The following GUCY1A2 variants were observed in gnomAD, a reference collection of about 807,000 sequenced individuals.
GUCY1A2 encodes guanylate cyclase 1 soluble subunit alpha 2.
In GUCY1A2, 27 loss-of-function variants were observed where a neutral mutation model predicts 63.5. The observed-to-expected ratio is 0.43, with a 90% CI of 0.31 to 0.59. GUCY1A2 has a LOEUF of 0.59. Among genes scored for constraint, GUCY1A2 ranks in the 20% least tolerant of loss-of-function variants. The pLI, the probability that GUCY1A2 is intolerant of heterozygous loss-of-function variation, is 0.11. For synonymous variants in GUCY1A2, 364 were observed against 343.5 expected, an observed-to-expected ratio of 1.06 and a Z score of -0.66; for missense variants, 768 against 913.3, an observed-to-expected ratio of 0.84 and a Z score of 2.05.
rs149870704 is a variant in GUCY1A2, at chr11:106,973,545, G to A, written c.487+5074C>T. Among the ~76,000 whole-genome samples the A allele has an allele frequency of 3.3e-5, 5 of 152,208 alleles. No individual in the cohort carries two copies. In the East Asian group the frequency reaches 9.7e-4, roughly 29 times the overall value. Reference sequence around the variant, plus strand: ...GAAAGAGCAAAGCACTAAGCAAAATGTGACATCATGACGATTCTAAGAATT... The same window carrying A: ...GAAAGAGCAAAGCACTAAGCAAAATATGACATCATGACGATTCTAAGAATT... On this transcript the variant is annotated intron_variant, in intron 3 of 7. Transcript: ENST00000526355.
At chr11:106,864,663 T>G (rs370791968) in intron 4 of GUCY1A2, among the ~76,000 whole-genome samples, 1 of 152,204 alleles carries the variant, frequency 6.6e-6, no homozygotes, top group African/African-American at 2.4e-5. Flanking sequence ...TCTGCATCTA[T>G]TGAGATAATC....
At chr11:106,838,936 C>T (rs1859155076) in intron 4 of GUCY1A2, among the ~76,000 whole-genome samples, 1 of 152,002 alleles carries the variant, frequency 6.6e-6, no homozygotes, top group Non-Finnish European at 1.5e-5. Flanking sequence ...TGCCTGTTCA[C>T]TCTGATGGTA....
At chr11:106,833,719 C>T (rs995862410) in intron 4 of GUCY1A2, among the ~76,000 whole-genome samples, 5 of 151,882 alleles carry the variant, frequency 3.3e-5, no homozygotes, top group East Asian at 1.9e-4. Context: ...CTTAATCAAC[C>T]GTAAGTAAAG....
At chr11:106,931,180 C>T (rs1173909192) in intron 4 of GUCY1A2, among the ~76,000 whole-genome samples, 4 of 152,050 alleles carry the variant, frequency 2.6e-5, no homozygotes. Context: ...GGAAAGCAAA[C>T]AACAATTAAG....
At chr11:106,925,306 C>A (rs1196677424) in intron 4 of GUCY1A2, among the ~76,000 whole-genome samples, 1 of 152,102 alleles carries the variant, frequency 6.6e-6, no homozygotes, top group Non-Finnish European at 1.5e-5. Flanking sequence ...TTCAGAATAA[C>A]TGCTGTAATA....
intron 6 of GUCY1A2, among the ~76,000 whole-genome samples, chr11:106,709,266 T>TTA (rs1555021588): frequency 9.9e-6 from 1 of 101,376 alleles, no homozygotes; most frequent in African/African-American, 3.9e-5. Flanking sequence ...TATATAAATA[T>TTA]ATTTATATAT....
chr11:107,012,260 C>CTTTTTTTTTT (rs371100294), intron 1 of GUCY1A2, among the ~76,000 whole-genome samples: 1 of 141,252 alleles, frequency 7.1e-6, no homozygotes, highest in African/African-American at 2.6e-5. Flanking sequence ...CTTCTTATTA[C>CTTTTTTTTTT]TTTTTTTTTT....
chr11:106,722,325 AC>A (rs1176966101), intron 6 of GUCY1A2, among the ~76,000 whole-genome samples: 6 of 151,846 alleles, frequency 4.0e-5, no homozygotes, highest in African/African-American at 1.5e-4. Context: ...GTAATCTCAG[AC>A]TAGACTTTCT....
chr11:106,901,987 C>T (rs1433873583), intron 4 of GUCY1A2, among the ~76,000 whole-genome samples: 1 of 152,156 alleles, frequency 6.6e-6, no homozygotes, highest in African/African-American at 2.4e-5. Flanking sequence ...TTTCAATTTA[C>T]TTTGCCCATA....
chr11:106,865,614 C>A (rs1859581321), intron 4 of GUCY1A2, among the ~76,000 whole-genome samples: 1 of 151,816 alleles, frequency 6.6e-6, no homozygotes, highest in South Asian at 2.1e-4. Context: ...AACACATGGA[C>A]ACAGGGAGGG....
chr11:106,887,636 T>C (rs906260507), intron 4 of GUCY1A2, among the ~76,000 whole-genome samples: 1 of 152,304 alleles, frequency 6.6e-6, no homozygotes, highest in African/African-American at 2.4e-5. Flanking sequence ...AGTCACACTA[T>C]TGAGTCCCTT....
At chr11:106,782,789 A>C (rs768173312) in intron 5 of GUCY1A2, among the ~76,000 whole-genome samples, 4 of 152,208 alleles carry the variant, frequency 2.6e-5, no homozygotes, top group Non-Finnish European at 5.9e-5. Flanking sequence ...ACCATAGCCC[A>C]GACTTTCATG....
intron 1 of GUCY1A2, among the ~76,000 whole-genome samples, chr11:107,008,122 T>C (rs1223586395): frequency 6.7e-6 from 1 of 148,914 alleles, no homozygotes; most frequent in African/African-American, 2.4e-5. Context: ...CTAATAAACA[T>C]ACAAAAATTA....
rs1861588119 is a variant in GUCY1A2 at position 106,999,719 on chromosome 11, C to A, written c.304-13588G>T. 2.6e-5 allele frequency among the ~76,000 whole-genome samples: 4 copies of A among 152,066 alleles called. No homozygotes were observed. In the South Asian group the frequency reaches 8.3e-4, roughly 32 times the overall value. On this transcript the variant is annotated intron_variant, in intron 1 of 7. Coordinates refer to ENST00000526355, the MANE Select transcript of GUCY1A2 (RefSeq NM_000855.3). ...TCTTGGGGTAACTTGTAGTACAATA[C>A]TTTTTCCAATTACATGTCCAATGGA...
At chr11:106,825,025 A>T in intron 4 of GUCY1A2, 1 of 1,514,698 alleles carries the variant, frequency 6.6e-7, no homozygotes, top group Non-Finnish European at 9.0e-7. Context: ...TTTTGTAGTT[A>T]GACAATAGTT....
intron 4 of GUCY1A2, among the ~76,000 whole-genome samples, chr11:106,863,972 A>C (rs762306933): frequency 6.6e-6 from 1 of 151,960 alleles, no homozygotes; most frequent in Non-Finnish European, 1.5e-5. Flanking sequence ...TTGCACATTG[A>C]TTTTGTATCC....
At chr11:106,816,888 A>G (rs1046604046) in intron 4 of GUCY1A2, among the ~76,000 whole-genome samples, 9 of 152,006 alleles carry the variant, frequency 5.9e-5, no homozygotes, top group Non-Finnish European at 1.3e-4. Flanking sequence ...AACTACCAAA[A>G]CTCAACCAAG....
intron 5 of GUCY1A2, among the ~76,000 whole-genome samples, chr11:106,801,086 T>C (rs1184510248): frequency 3.9e-5 from 6 of 152,112 alleles, no homozygotes; most frequent in Admixed American, 3.9e-4. Flanking sequence ...AAGATCCTCT[T>C]TAACCTCCGG....
intron 1 of GUCY1A2, among the ~76,000 whole-genome samples, chr11:106,995,896 C>G (rs1861528295): frequency 6.6e-6 from 1 of 152,180 alleles, no homozygotes; most frequent in South Asian, 2.1e-4. Context: ...CTTTCAGACA[C>G]CTTTGTGGCT....
Sources: gnomAD v4.1 joint callset for allele counts (sites outside exome capture counted in the v4.1 genomes callset) on GRCh38, gnomAD v4.1.1 for gene constraint, MANE v1.5 for transcripts, NCBI Gene and HGNC (gene_info 2026-07-23, HGNC 2026-07-21) for gene names.